The following ZFHX3 variants were observed in gnomAD, a reference collection of about 807,000 sequenced individuals.
ZFHX3 encodes zinc finger homeobox 3.
A neutral mutation model predicts 279.1 loss-of-function variants in ZFHX3; 42 were observed. The observed-to-expected ratio is 0.15, with a 90% confidence interval of 0.12 to 0.19. ZFHX3 has a LOEUF of 0.19. Among genes scored for constraint, ZFHX3 ranks in the 10% least tolerant of loss-of-function variants. The pLI is 1.00. For synonymous variants in ZFHX3, 2,293 were observed against 1,957.8 expected, an observed-to-expected ratio of 1.17 and a Z score of -4.52; for missense variants, 4,981 against 4,754.0, an observed-to-expected ratio of 1.05 and a Z score of -1.40.
At chr16:72,902,840 A>C (rs907398392) in intron 3 of ZFHX3, among the ~76,000 whole-genome samples, 22 of 152,164 alleles carry the variant, frequency 1.4e-4, no homozygotes, top group African/African-American at 5.3e-4. Flanking sequence ...GAGATGGAGG[A>C]CAAGGCTGAA....
chr16:73,135,170 T>C (rs1348822788), intron 6 of ZFHX3, among the ~76,000 whole-genome samples: 6 of 152,340 alleles, frequency 3.9e-5, no homozygotes, highest in Admixed American at 3.9e-4. Flanking sequence ...AACTGTATTA[T>C]AGCTTATCCA....
At chr16:73,105,618 T>A (rs910690918) in intron 7 of ZFHX3, among the ~76,000 whole-genome samples, 4 of 151,698 alleles carry the variant, frequency 2.6e-5, no homozygotes, top group Non-Finnish European at 5.9e-5. Flanking sequence ...CTGGGCATGG[T>A]GGCGGGCACC....
intron 7 of ZFHX3, among the ~76,000 whole-genome samples, chr16:72,804,730 A>G (rs1007363445): frequency 2.0e-5 from 3 of 152,176 alleles, no homozygotes; most frequent in Non-Finnish European, 4.4e-5. Context: ...GCTGAAATAT[A>G]TAATTTCTTG....
intron 1 of ZFHX3, among the ~76,000 whole-genome samples, chr16:72,970,233 T>C (rs937664411): frequency 6.6e-6 from 1 of 151,842 alleles, no homozygotes; most frequent in African/African-American, 2.4e-5. Context: ...TTACTATATA[T>C]GTAAACATAC....
intron 1 of ZFHX3, among the ~76,000 whole-genome samples, chr16:73,807,620 ATTTTTTTTTTTTTT>A (rs55806545): frequency 5.7e-5 from 4 of 70,582 alleles, no homozygotes; most frequent in South Asian, 6.3e-4. Context: ...CCATGCCCCA[ATTTTTTTTTTTTTT>A]TTTTTTTTTT....
At position 72,832,084 on chromosome 16, in the gene ZFHX3, C is replaced by T. The variant is rs146200285; in HGVS notation, c.3449-2225G>A. Among the ~76,000 whole-genome samples, 708 of 152,206 alleles carry T rather than the reference C, an allele frequency of 4.7e-3. 12 individuals are homozygous for T. Among genetic ancestry groups the T allele is most frequent in the African/African-American group, 0.015 (643 of 41,544 alleles). The stretch of plus-strand genomic sequence containing the variant: ...CTGATACCTACAAACTACAGAACAC[C>T]CTGAGATGGTGATGTGCAGTGTCTG... On this transcript the variant is annotated intron_variant, in intron 4 of 9. Coordinates refer to ENST00000268489, the MANE Select transcript of ZFHX3 (RefSeq NM_006885.4).
chr16:73,003,125 A>G (rs1829816659), intron 1 of ZFHX3, among the ~76,000 whole-genome samples: 1 of 152,150 alleles, frequency 6.6e-6, no homozygotes, highest in African/African-American at 2.4e-5. Flanking sequence ...TGGCTGCACC[A>G]CAGTTTAAAT....
chr16:73,568,730 A>G (rs2020485448), intron 2 of ZFHX3, among the ~76,000 whole-genome samples: 1 of 152,202 alleles, frequency 6.6e-6, no homozygotes, highest in South Asian at 2.1e-4. Context: ...CTCTAGCCAC[A>G]GGATCGAGCT....
chr16:73,045,879 G>T (rs1216812325), intron 1 of ZFHX3, among the ~76,000 whole-genome samples: 1 of 150,498 alleles, frequency 6.6e-6, no homozygotes, highest in Non-Finnish European at 1.5e-5. Flanking sequence ...TTAATTCCTT[G>T]TGATTCTGAA....
chr16:73,353,409 CA>C (rs2016283490), intron 3 of ZFHX3, among the ~76,000 whole-genome samples: 1 of 152,196 alleles, frequency 6.6e-6, no homozygotes, highest in Non-Finnish European at 1.5e-5. Flanking sequence ...CTGAAATGAG[CA>C]CACACTGGAT....
chr16:73,005,128 C>T (rs1194868782), intron 1 of ZFHX3, among the ~76,000 whole-genome samples: 3 of 152,222 alleles, frequency 2.0e-5, no homozygotes, highest in Non-Finnish European at 4.4e-5. Context: ...GTTTCCTTCA[C>T]TATAAAATGA....
In ZFHX3 at chr16:73,672,736, G is replaced by T. The variant is rs932116695; in HGVS notation, c.-1547+7444C>A. On this transcript the variant is annotated intron_variant, in intron 2 of 17. Transcript: ENST00000641206. ...GACATTAAAAGGATCAGAAGAAAGAGCATATGCTTTTTATACCTTATACTT... is the reference window on the plus strand; with the variant it reads ...GACATTAAAAGGATCAGAAGAAAGATCATATGCTTTTTATACCTTATACTT... Among the ~76,000 whole-genome samples, 4 of 6,122 alleles carry T rather than the reference G, an allele frequency of 6.5e-4. No individual in the cohort carries two copies. In the East Asian group the frequency reaches 0.12, roughly 191 times the overall value. 4.0% of individuals were successfully genotyped at this position (6,122 alleles called of 152,430 possible).
chr16:73,011,185 G>A (rs1409602577), intron 1 of ZFHX3, among the ~76,000 whole-genome samples: 6 of 151,708 alleles, frequency 4.0e-5, no homozygotes, highest in South Asian at 2.1e-4. Context: ...GTTTCACCAC[G>A]TTGGCCAGGC....
chr16:73,661,464 T>A (rs534969428), intron 2 of ZFHX3, among the ~76,000 whole-genome samples: 7 of 152,194 alleles, frequency 4.6e-5, no homozygotes, highest in Non-Finnish European at 7.3e-5. Flanking sequence ...CTCACGCCTA[T>A]AATCCCAGCA....
intron 3 of ZFHX3, chr16:73,402,291 C>T (rs1393325798): frequency 1.3e-5 from 2 of 152,180 alleles, no homozygotes; most frequent in Admixed American, 6.5e-5. Context: ...CCCTTGTTTC[C>T]TCAGGTAAAC....
chr16:73,366,769 A>G (rs2016538794), intron 3 of ZFHX3, among the ~76,000 whole-genome samples: 1 of 151,994 alleles, frequency 6.6e-6, no homozygotes. Context: ...TTTTCCTGAG[A>G]TGAGGTGAGA....
chr16:72,872,102 A>C (rs953889377), intron 4 of ZFHX3, among the ~76,000 whole-genome samples: 1 of 84,104 alleles, frequency 1.2e-5, no homozygotes, highest in African/African-American at 6.4e-5. Flanking sequence ...AAAAACAAAA[A>C]ACAAAAAAAA....
At position 72,796,805 on chromosome 16, in the gene ZFHX3, C is replaced by G. The variant is rs149123429; in HGVS notation, c.5877G>C (p.Gln1959His). Reference sequence around the variant, plus strand: ...GCACCTTCTGCTTGTTCTCATTATACTGGATGACCAACTCAAAGCCAAAGT... The same window carrying G: ...GCACCTTCTGCTTGTTCTCATTATAGTGGATGACCAACTCAAAGCCAAAGT... ...LENFGFELVI[Q>H]YNENKQKVQK... The change falls in exon 9 of 10, where the codon CAG (glutamine) becomes CAC (histidine). Residue 1959 changes from glutamine (Q) to histidine (H), a missense_variant. Transcript: ENST00000268489. 3.3e-5 allele frequency: 53 copies of G among 1,613,416 alleles called. No individual in the cohort carries two copies. In the African/African-American group the frequency reaches 6.0e-4, roughly 18 times the overall value.
At chr16:73,378,838 A>G (rs1034387036) in intron 3 of ZFHX3, among the ~76,000 whole-genome samples, 1 of 152,042 alleles carries the variant, frequency 6.6e-6, no homozygotes, top group Non-Finnish European at 1.5e-5. Context: ...ATCCCCTTAA[A>G]TCTTTCCCTG....
Sources: gnomAD v4.1 joint callset for allele counts (sites outside exome capture counted in the v4.1 genomes callset) on GRCh38, gnomAD v4.1.1 for gene constraint, MANE v1.5 for transcripts, NCBI Gene and HGNC (gene_info 2026-07-23, HGNC 2026-07-21) for gene names.